WDFY2: variants seen among roughly 807,000 people sequenced by gnomAD.
WDFY2 encodes the protein WD repeat and FYVE domain containing 2, also known as WD repeat and FYVE domain-containing protein 2.
WDFY2 carries 36 observed loss-of-function variants against 56.4 expected under a neutral mutation model. The observed-to-expected ratio is 0.64, with a 90% confidence interval of 0.49 to 0.84. The LOEUF is 0.84. Ranked by LOEUF, WDFY2 falls within the 40% of genes least tolerant of loss-of-function variation. The pLI is 0.00. For missense variants in WDFY2, 444 were observed against 512.2 expected, an observed-to-expected ratio of 0.87 and a Z score of 1.29; for synonymous variants, 176 against 183.7, an observed-to-expected ratio of 0.96 and a Z score of 0.34.
At chr13:51,746,106 G>A (rs2138705181) in intron 7 of WDFY2, among the ~76,000 whole-genome samples, 1 of 150,966 alleles carries the variant, frequency 6.6e-6, no homozygotes, top group East Asian at 2.0e-4. Flanking sequence ...CTCCCAAGTA[G>A]CTGGGATTAC....
At chr13:51,722,760 T>C (rs1952519196) in intron 5 of WDFY2, among the ~76,000 whole-genome samples, 1 of 152,194 alleles carries the variant, frequency 6.6e-6, no homozygotes, top group Non-Finnish European at 1.5e-5. Flanking sequence ...CACAACTGGG[T>C]ACAGCAGAAT....
rs770383214 is a variant in WDFY2 at position 51,719,302 on chromosome 13, C to G, written c.439C>G (p.Gln147Glu). 4 of 1,613,298 alleles carry G rather than the reference C, an allele frequency of 2.5e-6. No individual in the cohort carries two copies. The African/African-American group carries it at 5.3e-5, about 22-fold the overall frequency. ...QFAWHCSESG[Q>E]RLGGYRTSAV... ...TGCCTGGCACTGCTCTGAGAGTGGG[C>G]AGCGCCTGGGAGGTTATCGGACCAG... The change falls in exon 5 of 12, where the codon CAG becomes GAG. Residue 147 changes from glutamine (Q) to glutamate (E), a missense_variant. Physicochemically the swap from Gln to Glu is conservative, Grantham distance 29. Coordinates refer to ENST00000298125, the MANE Select transcript of WDFY2 (RefSeq NM_052950.4).
At chr13:51,693,148 C>G (rs1279528854) in intron 3 of WDFY2, among the ~76,000 whole-genome samples, 1 of 152,048 alleles carries the variant, frequency 6.6e-6, no homozygotes. Flanking sequence ...AAAACCAGCT[C>G]CTGGATTCAT....
chr13:51,756,943 A>G (rs1335104150), intron 10 of WDFY2, among the ~76,000 whole-genome samples: 1 of 152,202 alleles, frequency 6.6e-6, no homozygotes, highest in Non-Finnish European at 1.5e-5. Flanking sequence ...AGACCTGCCC[A>G]GTAACCCAGG....
intron 1 of WDFY2, among the ~76,000 whole-genome samples, chr13:51,652,818 C>G (rs1955422281): frequency 6.6e-6 from 1 of 152,216 alleles, no homozygotes; most frequent in African/African-American, 2.4e-5. Context: ...CCCGACCTTT[C>G]TCTCTGGCTG....
intron 2 of WDFY2, among the ~76,000 whole-genome samples, chr13:51,663,970 AC>A: frequency 6.6e-6 from 1 of 152,368 alleles, no homozygotes; most frequent in East Asian, 1.9e-4. Flanking sequence ...CCATTAAAAT[AC>A]CTTTTAAATA....
intron 1 of WDFY2, among the ~76,000 whole-genome samples, chr13:51,601,215 C>T (rs1291816421): frequency 6.6e-6 from 1 of 152,016 alleles, no homozygotes; most frequent in Non-Finnish European, 1.5e-5. Context: ...CAAAAAATAA[C>T]ATGAAACTAG....
At chr13:51,651,410 T>C (rs1208331741) in intron 1 of WDFY2, among the ~76,000 whole-genome samples, 2 of 152,336 alleles carry the variant, frequency 1.3e-5, no homozygotes, top group Middle Eastern at 6.8e-3. Flanking sequence ...TGTGTCTCTA[T>C]CTCCTTCAGT....
intron 3 of WDFY2, among the ~76,000 whole-genome samples, chr13:51,702,694 T>G (rs1276007640): frequency 6.6e-6 from 1 of 152,192 alleles, no homozygotes; most frequent in Non-Finnish European, 1.5e-5. Flanking sequence ...CCCATCCCCC[T>G]TTTTTTAAGT....
At chr13:51,754,764 A>G (rs1953326620) in intron 8 of WDFY2, among the ~76,000 whole-genome samples, 1 of 152,156 alleles carries the variant, frequency 6.6e-6, no homozygotes, top group South Asian at 2.1e-4. Flanking sequence ...AAACTTTATA[A>G]ATATCTTCTC....
intron 1 of WDFY2, among the ~76,000 whole-genome samples, chr13:51,642,581 A>T (rs929047351): frequency 6.6e-6 from 1 of 151,792 alleles, no homozygotes; most frequent in Non-Finnish European, 1.5e-5. Flanking sequence ...AACTTGAGCC[A>T]CCGTGCCCAG....
At chr13:51,598,075 C>T (rs1954185826) in intron 1 of WDFY2, among the ~76,000 whole-genome samples, 1 of 152,018 alleles carries the variant, frequency 6.6e-6, no homozygotes, top group African/African-American at 2.4e-5. Flanking sequence ...ACTGCTTTGG[C>T]AGGGGCAGGT....
At chr13:51,756,256 C>A (rs1305665114) in intron 9 of WDFY2, 76 bp from the exon 10 acceptor site, 14 of 1,540,466 alleles carry the variant, frequency 9.1e-6, no homozygotes, top group Non-Finnish European at 9.6e-6. Flanking sequence ...CACCTCTCTG[C>A]CAGGAGGGGT....
intron 1 of WDFY2, among the ~76,000 whole-genome samples, chr13:51,615,898 G>A (rs1954601227): frequency 6.6e-6 from 1 of 152,166 alleles, no homozygotes; most frequent in Non-Finnish European, 1.5e-5. Context: ...TTGCAAGGAT[G>A]GATTTCTATT....
chr13:51,686,796 A>G (rs1026093960), intron 3 of WDFY2, among the ~76,000 whole-genome samples: 1 of 152,148 alleles, frequency 6.6e-6, no homozygotes. Flanking sequence ...AGTCAAAAGT[A>G]TGTACTGTTC....
At chr13:51,666,739 T>C (rs1378447545) in intron 2 of WDFY2, among the ~76,000 whole-genome samples, 2 of 152,186 alleles carry the variant, frequency 1.3e-5, no homozygotes, top group African/African-American at 4.8e-5. Flanking sequence ...CTCTCTCTCT[T>C]AGTCATAACT....
At chr13:51,737,166 G>A (rs1330207156) in intron 6 of WDFY2, among the ~76,000 whole-genome samples, 1 of 152,162 alleles carries the variant, frequency 6.6e-6, no homozygotes. Context: ...ACCTAAAGAT[G>A]TGAGTAGTCG....
intron 1 of WDFY2, 110 bp from the exon 2 acceptor site, chr13:51,660,486 C>T (rs963863020): frequency 8.2e-5 from 80 of 978,126 alleles, no homozygotes; most frequent in South Asian, 4.9e-4. Flanking sequence ...CTTGAGCCAC[C>T]GCGCCTGGCC....
intron 1 of WDFY2, among the ~76,000 whole-genome samples, chr13:51,620,960 A>G (rs1954714481): frequency 6.6e-6 from 1 of 152,140 alleles, no homozygotes; most frequent in Non-Finnish European, 1.5e-5. Context: ...ATCCTGTCAG[A>G]ATAGTACTGC....
Sources: gnomAD v4.1 joint callset for allele counts (sites outside exome capture counted in the v4.1 genomes callset) on GRCh38, gnomAD v4.1.1 for gene constraint, MANE v1.5 for transcripts, NCBI Gene and HGNC (gene_info 2026-07-23, HGNC 2026-07-21) for gene names.